The following EXOC6B variants were observed in gnomAD, a reference collection of about 807,000 sequenced individuals.
The protein encoded by EXOC6B is SEC15 homolog B.
A neutral mutation model predicts 113.5 loss-of-function variants in EXOC6B; 54 were observed. That is an observed-to-expected ratio of 0.48 (90% CI 0.38 to 0.60). The LOEUF (loss-of-function observed/expected upper bound fraction) is 0.60, where lower values mean the gene tolerates loss of function less well. Ranked by LOEUF, EXOC6B falls within the 20% of genes least tolerant of loss-of-function variation. EXOC6B has a pLI of 0.00. For synonymous variants in EXOC6B, 357 were observed against 339.0 expected (o/e 1.05, Z -0.58); for missense variants, 797 against 977.5 (o/e 0.82, Z 2.46).
intron 16 of EXOC6B, among the ~76,000 whole-genome samples, chr2:72,486,912 A>G (rs1699454804): frequency 6.6e-6 from 1 of 151,704 alleles, no homozygotes; most frequent in Admixed American, 6.6e-5. Context: ...CCTGCTAGCT[A>G]TCACCCCATT....
chr2:72,762,594 C>T (rs1181082026), intron 1 of EXOC6B, among the ~76,000 whole-genome samples: 1 of 151,632 alleles, frequency 6.6e-6, no homozygotes, highest in Non-Finnish European at 1.5e-5. Flanking sequence ...ACATATCAAT[C>T]AACAAAGCAA....
chr2:72,671,590 C>A (rs1450939051), intron 6 of EXOC6B, among the ~76,000 whole-genome samples: 1 of 151,656 alleles, frequency 6.6e-6, no homozygotes, highest in East Asian at 1.9e-4. Flanking sequence ...CCCAGCTACT[C>A]GGGAGCCTGA....
chr2:72,338,296 GT>G (rs1688811920), intron 19 of EXOC6B, among the ~76,000 whole-genome samples: 1 of 152,112 alleles, frequency 6.6e-6, no homozygotes, highest in Non-Finnish European at 1.5e-5. Context: ...ATTATAATTA[GT>G]TTTTTAGTGT....
chr2:72,533,707 A>G (rs996675822), intron 8 of EXOC6B, among the ~76,000 whole-genome samples: 5 of 152,220 alleles, frequency 3.3e-5, no homozygotes, highest in Admixed American at 6.5e-5. Context: ...TACCAAGAAC[A>G]TTATTTCATT....
chr2:72,200,163 C>T (rs1679403171), intron 20 of EXOC6B, among the ~76,000 whole-genome samples: 1 of 152,102 alleles, frequency 6.6e-6, no homozygotes, highest in East Asian at 1.9e-4. Context: ...TCCCAAAGTG[C>T]TGGAATTACA....
rs574566704 is a variant in EXOC6B, at chr2:72,415,673, A to C, written c.1981-35803T>G. Reference sequence around the variant, plus strand: ...AACTGAATAACACTGTTGATGGAACACTGCTTTTCCTCATTAATGAGGAAG... The same window carrying C: ...AACTGAATAACACTGTTGATGGAACCCTGCTTTTCCTCATTAATGAGGAAG... On this transcript the variant is annotated intron_variant, in intron 18 of 21. Transcript: ENST00000272427. Among the ~76,000 whole-genome samples, 4 of 152,258 alleles carry C rather than the reference A, an allele frequency of 2.6e-5. No homozygotes were observed. The South Asian group carries it at 8.3e-4, about 32-fold the overall frequency.
chr2:72,359,239 A>C (rs1690156277), intron 19 of EXOC6B, among the ~76,000 whole-genome samples: 1 of 152,210 alleles, frequency 6.6e-6, no homozygotes, highest in African/African-American at 2.4e-5. Context: ...CAACAGGATT[A>C]AGAGGTAAAG....
At chr2:72,510,126 GC>G (rs1213741238) in intron 11 of EXOC6B, among the ~76,000 whole-genome samples, 21 of 152,032 alleles carry the variant, frequency 1.4e-4, no homozygotes, top group African/African-American at 5.1e-4. Context: ...GAGCCAACAT[GC>G]CCGACCTAAT....
intron 1 of EXOC6B, among the ~76,000 whole-genome samples, chr2:72,751,483 T>C (rs1449235683): frequency 6.6e-6 from 1 of 152,050 alleles, no homozygotes; most frequent in Non-Finnish European, 1.5e-5. Flanking sequence ...AGACTGTAAA[T>C]GTTTCTCATC....
chr2:72,471,037 A>G (rs1698375747), intron 17 of EXOC6B, among the ~76,000 whole-genome samples: 2 of 152,096 alleles, frequency 1.3e-5, no homozygotes, highest in South Asian at 2.1e-4. Flanking sequence ...TTGAGGAATC[A>G]CCACACTGAC....
intron 2 of EXOC6B, among the ~76,000 whole-genome samples, chr2:72,737,022 A>G (rs1681011580): frequency 6.6e-6 from 1 of 152,162 alleles, no homozygotes; most frequent in South Asian, 2.1e-4. Context: ...GGACCAATAA[A>G]TAGAAAGACG....
intron 6 of EXOC6B, among the ~76,000 whole-genome samples, chr2:72,608,279 G>A (rs1265160421): frequency 6.6e-6 from 1 of 152,052 alleles, no homozygotes; most frequent in Admixed American, 6.6e-5. Context: ...AGTAAACAGA[G>A]GCAAGTTTCA....
intron 6 of EXOC6B, among the ~76,000 whole-genome samples, chr2:72,673,424 C>T (rs754991181): frequency 1.4e-4 from 21 of 152,266 alleles, no homozygotes; most frequent in Admixed American, 9.2e-4. Context: ...CCCATTCCTC[C>T]GGTCTTGTTT....
intron 6 of EXOC6B, among the ~76,000 whole-genome samples, chr2:72,677,387 CA>C (rs1558909501): frequency 6.6e-6 from 1 of 151,480 alleles, no homozygotes; most frequent in Admixed American, 6.6e-5. Context: ...TAAAAAAAAA[CA>C]AAAAAAGGAA....
chr2:72,812,980 AT>A (rs2105135607), intron 1 of EXOC6B, among the ~76,000 whole-genome samples: 1 of 152,312 alleles, frequency 6.6e-6, no homozygotes, highest in East Asian at 1.9e-4. Flanking sequence ...TAGGAAAAAA[AT>A]ATTTGCAAAC....
chr2:72,755,097 T>C (rs1302546514), intron 1 of EXOC6B, among the ~76,000 whole-genome samples: 1 of 152,162 alleles, frequency 6.6e-6, no homozygotes, highest in Non-Finnish European at 1.5e-5. Flanking sequence ...TGACACTGTA[T>C]AAATTTGAAC....
intron 8 of EXOC6B, among the ~76,000 whole-genome samples, chr2:72,534,085 A>G (rs936087096): frequency 6.6e-6 from 1 of 152,218 alleles, no homozygotes. Context: ...TCAATGAGAT[A>G]AAGTATGTAT....
At chr2:72,541,997 AG>A (rs1702631257) in intron 8 of EXOC6B, among the ~76,000 whole-genome samples, 2 of 152,208 alleles carry the variant, frequency 1.3e-5, no homozygotes, top group Non-Finnish European at 2.9e-5. Context: ...CACTGTAAAA[AG>A]TATATCAACA....
intron 18 of EXOC6B, among the ~76,000 whole-genome samples, chr2:72,448,172 T>A (rs1346044582): frequency 1.3e-5 from 2 of 152,180 alleles, no homozygotes; most frequent in African/African-American, 4.8e-5. Flanking sequence ...AAAAGTTCCA[T>A]GAATAATTTC....
Sources: allele counts gnomAD v4.1 joint callset (sites outside exome capture counted in the v4.1 genomes callset), GRCh38; gene constraint gnomAD v4.1.1; transcripts MANE v1.5; gene names NCBI Gene and HGNC (gene_info 2026-07-23, HGNC 2026-07-21).